ITGBL1: variants seen among roughly 807,000 people sequenced by gnomAD.
ITGBL1 encodes the protein integrin beta-like protein 1.
In ITGBL1, 51 loss-of-function variants were observed where a neutral mutation model predicts 68.5. The ratio of observed to expected loss-of-function variants is 0.74; its 90% CI spans 0.59 to 0.94. The LOEUF is 0.94. Among genes scored for constraint, ITGBL1 ranks in the 40% least tolerant of loss-of-function variants. ITGBL1 has a pLI of 0.00. For missense variants in ITGBL1, 649 were observed against 647.4 expected (o/e 1.00, Z -0.03); for synonymous variants, 209 against 227.3 (o/e 0.92, Z 0.72).
chr13:101,633,106 A>T (rs1475719082), intron 7 of ITGBL1, among the ~76,000 whole-genome samples: 1 of 152,188 alleles, frequency 6.6e-6, no homozygotes, highest in African/African-American at 2.4e-5. Context: ...GCTGAAAAGA[A>T]TGTATTTTCA....
At chr13:101,521,782 C>T (rs2049289215) in intron 2 of ITGBL1, among the ~76,000 whole-genome samples, 1 of 152,156 alleles carries the variant, frequency 6.6e-6, no homozygotes, top group Non-Finnish European at 1.5e-5. Flanking sequence ...CAACAGCTGT[C>T]CCTCTGGACT....
intron 7 of ITGBL1, among the ~76,000 whole-genome samples, chr13:101,644,046 A>G (rs1458819218): frequency 6.6e-6 from 1 of 152,096 alleles, no homozygotes; most frequent in Non-Finnish European, 1.5e-5. Context: ...TTTGGCCCAG[A>G]TCCCTGGCTG....
At chr13:101,481,522 T>G (rs1040526316) in intron 2 of ITGBL1, among the ~76,000 whole-genome samples, 1 of 152,086 alleles carries the variant, frequency 6.6e-6, no homozygotes, top group Non-Finnish European at 1.5e-5. Context: ...TATGGACTTC[T>G]GGCTCTCAAA....
At chr13:101,719,184 T>TAAAG (rs1436100205), downstream of ITGBL1, 23 of 152,172 alleles carry the variant, frequency 1.5e-4, no homozygotes, top group Non-Finnish European at 4.4e-5. Flanking sequence ...CTAACTTACT[T>TAAAG]AAAGAATAAG....
chr13:101,697,385 ATCT>A (rs1352967937), intron 8 of ITGBL1, among the ~76,000 whole-genome samples: 1 of 152,136 alleles, frequency 6.6e-6, no homozygotes, highest in Non-Finnish European at 1.5e-5. Flanking sequence ...AAATTCATAA[ATCT>A]TCTTTGGGTA....
At chr13:101,568,530 A>T (rs754775589) in intron 3 of ITGBL1, among the ~76,000 whole-genome samples, 3 of 152,084 alleles carry the variant, frequency 2.0e-5, no homozygotes, top group Non-Finnish European at 4.4e-5. Flanking sequence ...GAACATCAGC[A>T]TCCCAAGGAG....
chr13:101,653,215 G>C (rs1292806864), intron 7 of ITGBL1, among the ~76,000 whole-genome samples: 1 of 148,152 alleles, frequency 6.7e-6, no homozygotes, highest in Non-Finnish European at 1.5e-5. Flanking sequence ...AAGGAGAAAG[G>C]AAGGAAGGAA....
intron 2 of ITGBL1, among the ~76,000 whole-genome samples, chr13:101,527,313 T>C (rs1409484239): frequency 6.6e-6 from 1 of 152,178 alleles, no homozygotes; most frequent in Non-Finnish European, 1.5e-5. Flanking sequence ...TAAAAGTTAG[T>C]TTGCATTTCC....
chr13:101,609,133 T>C (rs2031011326), intron 7 of ITGBL1, among the ~76,000 whole-genome samples: 1 of 152,128 alleles, frequency 6.6e-6, no homozygotes, highest in Non-Finnish European at 1.5e-5. Context: ...TAGAAGAGCC[T>C]GTTTATCATT....
intron 7 of ITGBL1, among the ~76,000 whole-genome samples, chr13:101,647,153 T>G (rs560114505): frequency 2.1e-4 from 32 of 152,182 alleles, no homozygotes; most frequent in Non-Finnish European, 4.4e-4. Context: ...TGAAGTCAAT[T>G]TCTAGGACAG....
intron 2 of ITGBL1, among the ~76,000 whole-genome samples, chr13:101,526,056 C>T (rs2049371302): frequency 6.6e-6 from 1 of 151,882 alleles, no homozygotes; most frequent in South Asian, 2.1e-4. Context: ...TTCACTCTTA[C>T]CTTTAGATTG....
intron 2 of ITGBL1, among the ~76,000 whole-genome samples, chr13:101,551,219 T>G (rs561969341): frequency 1.3e-5 from 2 of 152,322 alleles, no homozygotes; most frequent in African/African-American, 4.8e-5. Context: ...TATTAGTTTA[T>G]CTTAGAGAAA....
At chr13:101,590,033 A>G (rs2050624377) in intron 6 of ITGBL1, among the ~76,000 whole-genome samples, 1 of 152,208 alleles carries the variant, frequency 6.6e-6, no homozygotes, top group African/African-American at 2.4e-5. Context: ...ATAAAATGAT[A>G]AGAAAACAGA....
At chr13:101,636,545 AT>A (rs1389230528) in intron 7 of ITGBL1, among the ~76,000 whole-genome samples, 2 of 152,144 alleles carry the variant, frequency 1.3e-5, no homozygotes, top group African/African-American at 4.8e-5. Flanking sequence ...TTTCTTCAGT[AT>A]TTTTTAATGA....
intron 7 of ITGBL1, among the ~76,000 whole-genome samples, chr13:101,641,491 C>T (rs2032366594): frequency 2.0e-5 from 3 of 149,942 alleles, no homozygotes; most frequent in Admixed American, 1.3e-4. Flanking sequence ...GGGGTGTACT[C>T]CTTCATAACT....
At chr13:101,461,598 T>TCATTTAG (rs1566684545) in intron 2 of ITGBL1, among the ~76,000 whole-genome samples, 1 of 151,918 alleles carries the variant, frequency 6.6e-6, no homozygotes, top group East Asian at 1.9e-4. Flanking sequence ...AGGAGGCTAA[T>TCATTTAG]ACAGGAGGCT....
intron 2 of ITGBL1, among the ~76,000 whole-genome samples, chr13:101,529,248 G>A (rs1217548697): frequency 6.6e-6 from 1 of 151,620 alleles, no homozygotes; most frequent in Non-Finnish European, 1.5e-5. Context: ...CTTAAATATG[G>A]TTAATAGGCA....
intron 3 of ITGBL1, among the ~76,000 whole-genome samples, chr13:101,574,317 G>T (rs2050320392): frequency 6.6e-6 from 1 of 151,848 alleles, no homozygotes; most frequent in Admixed American, 6.6e-5. Context: ...ATTGTCTCAT[G>T]CTGGAAGTAA....
chr13:101,559,609 CAA>C (rs906192717), intron 2 of ITGBL1, among the ~76,000 whole-genome samples: 7 of 152,174 alleles, frequency 4.6e-5, no homozygotes, highest in African/African-American at 1.2e-4. Flanking sequence ...CTTCCTACAG[CAA>C]AAGAGTCCTT....
Sources: allele counts gnomAD v4.1 joint callset (sites outside exome capture counted in the v4.1 genomes callset), GRCh38; gene constraint gnomAD v4.1.1; transcripts MANE v1.5; gene names NCBI Gene and HGNC (gene_info 2026-07-23, HGNC 2026-07-21).